Variants in PALM2AKAP2 observed in about 807,000 individuals in gnomAD.
PALM2AKAP2 encodes the protein PALM2 and AKAP2 fusion, also known as PALM2-AKAP2 fusion protein.
A neutral mutation model predicts 71.5 loss-of-function variants in PALM2AKAP2; 37 were observed. That is an observed-to-expected ratio of 0.52 (90% CI 0.40 to 0.68). The LOEUF (loss-of-function observed/expected upper bound fraction) is 0.68. Ranked by LOEUF, PALM2AKAP2 falls within the 30% of genes least tolerant of loss-of-function variation. The probability of loss-of-function intolerance (pLI) is 0.00; values close to 1 mark genes in which losing one functional copy is unlikely to be tolerated. For missense variants in PALM2AKAP2, 1,224 were observed against 1,191.8 expected (o/e 1.03, Z -0.40); for synonymous variants, 468 against 478.8 (o/e 0.98, Z 0.29).
Position 109,880,605 on chromosome 9 carries a change from G to A in PALM2AKAP2, c.181G>A (p.Glu61Lys), listed in dbSNP as rs374624941. 103 of 1,613,824 alleles carry A rather than the reference G, an allele frequency of 6.4e-5. No individual in the cohort carries two copies. The South Asian group carries it at 9.9e-4, about 15-fold the overall frequency. ...GCAGGGCATACCCGCTGGAACTGCCGAAGAGGAGGAAGCCAGGAGGCGGCA... is the reference window on the plus strand; with the variant it reads ...GCAGGGCATACCCGCTGGAACTGCCAAAGAGGAGGAAGCCAGGAGGCGGCA... Residue 61 changes from glutamate (E) to lysine (K), a missense_variant, in exon 3 of 10, where the codon GAA becomes AAA. By Grantham distance (56) the Glu-to-Lys change is moderately conservative (BLOSUM62 1). Transcript: ENST00000302798.
chr9:110,122,350 A>T (rs942842994), intron 1 of PALM2AKAP2, among the ~76,000 whole-genome samples: 4 of 151,892 alleles, frequency 2.6e-5, no homozygotes. Context: ...TTTTTCTTTT[A>T]TTTGCATTAG....
At chr9:109,943,144 A>G (rs1321749412) in intron 6 of PALM2AKAP2, 1 of 1,614,258 alleles carries the variant, frequency 6.2e-7, no homozygotes, top group Admixed American at 1.7e-5. Flanking sequence ...GGGCTACCAA[A>G]ATATCGAGGA....
Position 109,640,868 on chromosome 9 carries a change from T to C in PALM2AKAP2, c.5+2T>C, listed in dbSNP as rs1827055412. ...CCGGCCGCGGAGCCCCGCGATGGAGTGAGTATCCCCGAGCCGCGCCGCCAG... is the reference window on the plus strand; with the variant it reads ...CCGGCCGCGGAGCCCCGCGATGGAGCGAGTATCCCCGAGCCGCGCCGCCAG... On this transcript the variant is annotated splice_donor_variant, in intron 1 of 6. Transcript: ENST00000374531. LOFTEE classifies it high-confidence loss of function. 5.9e-6 allele frequency: 9 copies of C among 1,514,886 alleles called. No individual in the cohort carries two copies. The highest frequency in any genetic ancestry group is 7.9e-6 in the Non-Finnish European group (9 of 1,139,310). 93.8% of individuals were successfully genotyped at this position (1,514,886 alleles called of 1,614,324 possible).
chr9:109,795,005 T>C (rs1827213220), intron 1 of PALM2AKAP2, among the ~76,000 whole-genome samples: 2 of 152,238 alleles, frequency 1.3e-5, no homozygotes, highest in Non-Finnish European at 1.5e-5. Context: ...CTAGATGGGC[T>C]ACTTCTGAGC....
At chr9:110,158,519 A>G (rs941268137) in intron 3 of PALM2AKAP2, among the ~76,000 whole-genome samples, 1 of 152,204 alleles carries the variant, frequency 6.6e-6, no homozygotes, top group Admixed American at 6.5e-5. Context: ...TCGTAAAGGC[A>G]GAGGGCTGGA....
At chr9:110,107,443 G>C (rs1588112932) in intron 1 of PALM2AKAP2, among the ~76,000 whole-genome samples, 1 of 152,234 alleles carries the variant, frequency 6.6e-6, no homozygotes, top group Non-Finnish European at 1.5e-5. Flanking sequence ...TAGATCAATT[G>C]AGTCGGGGTG....
chr9:109,877,846 G>A (rs1464814129), intron 2 of PALM2AKAP2, among the ~76,000 whole-genome samples: 1 of 152,172 alleles, frequency 6.6e-6, no homozygotes, highest in African/African-American at 2.4e-5. Flanking sequence ...CCCTCTTCCT[G>A]AGAGTAAATT....
chr9:109,668,584 A>G (rs2118481709), intron 1 of PALM2AKAP2, among the ~76,000 whole-genome samples: 1 of 152,330 alleles, frequency 6.6e-6, no homozygotes, highest in Admixed American at 6.5e-5. Context: ...AGAGTGCAGG[A>G]TACATAAAAG....
At chr9:109,766,178 G>A (rs1194996386) in intron 1 of PALM2AKAP2, among the ~76,000 whole-genome samples, 1 of 152,176 alleles carries the variant, frequency 6.6e-6, no homozygotes, top group Non-Finnish European at 1.5e-5. Flanking sequence ...TTATATTGTG[G>A]AGCTCAGGGT....
exon 2 of PALM2AKAP2, chr9:110,137,763 C>T: frequency 6.2e-7 from 1 of 1,614,184 alleles, no homozygotes; most frequent in Non-Finnish European, 8.5e-7. Flanking sequence ...TCCAATGAGA[C>T]AACCAATGCC....
chr9:110,134,483 A>G (rs1835803254), intron 1 of PALM2AKAP2, among the ~76,000 whole-genome samples: 1 of 152,230 alleles, frequency 6.6e-6, no homozygotes, highest in Non-Finnish European at 1.5e-5. Context: ...AATGGAGAAG[A>G]CATATACATT....
chr9:110,154,829 G>C (rs922127838), intron 2 of PALM2AKAP2, among the ~76,000 whole-genome samples: 1 of 152,082 alleles, frequency 6.6e-6, no homozygotes, highest in Non-Finnish European at 1.5e-5. Context: ...ATCAAGAAGG[G>C]TGTATCCTGC....
intron 3 of PALM2AKAP2, among the ~76,000 whole-genome samples, chr9:109,887,057 G>A (rs536548511): frequency 6.6e-6 from 1 of 152,244 alleles, no homozygotes; most frequent in Non-Finnish European, 1.5e-5. Flanking sequence ...CTGAGTACCT[G>A]TGTGGGTCTC....
chr9:110,067,328 T>C (rs1834102356), intron 1 of PALM2AKAP2, among the ~76,000 whole-genome samples: 1 of 152,202 alleles, frequency 6.6e-6, no homozygotes, highest in Admixed American at 6.5e-5. Flanking sequence ...TAAAGTGAAA[T>C]TGAAAAGGTT....
chr9:109,987,114 C>T (rs1588045774), intron 6 of PALM2AKAP2, among the ~76,000 whole-genome samples: 1 of 151,846 alleles, frequency 6.6e-6, no homozygotes, highest in Non-Finnish European at 1.5e-5. Flanking sequence ...TTATGTTCTG[C>T]CTTCCTTTCT....
At position 109,984,602 on chromosome 9, in the gene PALM2AKAP2, A is replaced by ATC. The variant is rs551504636; in HGVS notation, c.497-31351_497-31350dup. ...CCAGGTATGGTAGCTCATGTCTGTA[A>ATC]TCCCAGCACTTTGGGAGGCCAAGGC... On this transcript the variant is annotated intron_variant, in intron 6 of 9. Transcript: ENST00000302798. Among the ~76,000 whole-genome samples the ATC allele has an allele frequency of 7.3e-4, 111 of 152,272 alleles. 1 individual carries two copies. Among genetic ancestry groups the ATC allele is most frequent in the African/African-American group, 2.6e-3 (107 of 41,556 alleles).
At chr9:110,142,032 G>A (rs1261980777) in intron 2 of PALM2AKAP2, among the ~76,000 whole-genome samples, 4 of 151,566 alleles carry the variant, frequency 2.6e-5, no homozygotes, top group South Asian at 2.1e-4. Flanking sequence ...GTTAATGACC[G>A]GGTATCTAGA....
At chr9:109,734,718 T>C (rs1828604377) in intron 1 of PALM2AKAP2, among the ~76,000 whole-genome samples, 1 of 152,190 alleles carries the variant, frequency 6.6e-6, no homozygotes, top group Non-Finnish European at 1.5e-5. Context: ...TTAGAACCAA[T>C]TAGCTATCCC....
upstream of PALM2AKAP2, chr9:110,048,520 C>T: frequency 6.7e-6 from 4 of 595,686 alleles, no homozygotes; most frequent in East Asian, 3.4e-5. Context: ...GCATCGATTC[C>T]GCCGAAGCCA....
Sources: gnomAD v4.1 joint callset for allele counts (sites outside exome capture counted in the v4.1 genomes callset) on GRCh38, gnomAD v4.1.1 for gene constraint, MANE v1.5 for transcripts, NCBI Gene and HGNC (gene_info 2026-07-23, HGNC 2026-07-21) for gene names.